The following NEK6 variants were observed in gnomAD, a reference collection of about 807,000 sequenced individuals.
NEK6 encodes NIMA related kinase 6.
NEK6 carries 27 observed loss-of-function variants against 43.5 expected under a neutral mutation model. That is an observed-to-expected ratio of 0.62 (90% CI 0.46 to 0.86). The LOEUF (loss-of-function observed/expected upper bound fraction) is 0.86. Ranked by LOEUF, NEK6 falls within the 40% of genes least tolerant of loss-of-function variation. The pLI is 0.00. For missense variants in NEK6, 318 were observed against 414.4 expected, an observed-to-expected ratio of 0.77 and a Z score of 2.02; for synonymous variants, 167 against 164.1, an observed-to-expected ratio of 1.02 and a Z score of -0.14.
At chr9:124,291,393 G>A (rs1326110556) in intron 1 of NEK6, among the ~76,000 whole-genome samples, 11 of 152,224 alleles carry the variant, frequency 7.2e-5, no homozygotes, top group East Asian at 3.8e-4. Context: ...TTGGGAGGCC[G>A]AGGTCAGCAG....
chr9:124,281,338 C>T (rs989365873), intron 1 of NEK6, among the ~76,000 whole-genome samples: 1 of 152,158 alleles, frequency 6.6e-6, no homozygotes, highest in Non-Finnish European at 1.5e-5. Context: ...TTGAAAAAGT[C>T]ACCTAGCACA....
chr9:124,267,001 A>G (rs1337696915), intron 1 of NEK6, among the ~76,000 whole-genome samples: 1 of 152,176 alleles, frequency 6.6e-6, no homozygotes, highest in Non-Finnish European at 1.5e-5. Flanking sequence ...GGCAGCTCCC[A>G]CATGTCTGCA....
At chr9:124,320,609 T>C (rs1298193145) in intron 4 of NEK6, among the ~76,000 whole-genome samples, 1 of 152,222 alleles carries the variant, frequency 6.6e-6, no homozygotes, top group Non-Finnish European at 1.5e-5. Flanking sequence ...ACAGTCAGCT[T>C]TGTTATGAAC....
chr9:124,260,853 A>G (rs951565736), intron 1 of NEK6, among the ~76,000 whole-genome samples: 3 of 152,198 alleles, frequency 2.0e-5, no homozygotes, highest in Non-Finnish European at 2.9e-5. Flanking sequence ...GCCAAAGACC[A>G]TGTGCTAATA....
At chr9:124,341,442 C>A (rs1448240730) in intron 8 of NEK6, among the ~76,000 whole-genome samples, 2 of 5,340 alleles carry the variant, frequency 3.7e-4, no homozygotes, top group Non-Finnish European at 5.4e-3. Flanking sequence ...GAGGGTGGGA[C>A]CCCTTCTCCC....
intron 1 of NEK6, chr9:124,292,232 G>A (rs540648629): frequency 1.1e-5 from 14 of 1,248,886 alleles, no homozygotes; most frequent in African/African-American, 4.6e-5. Flanking sequence ...GCCACCCACC[G>A]CTGGCTCAGC....
At chr9:124,350,760 A>G in intron 9 of NEK6, 77 bp from the exon 10 acceptor site, 1 of 1,005,368 alleles carries the variant, frequency 9.9e-7, no homozygotes, top group Non-Finnish European at 1.5e-6. Context: ...AAGTGCCTTC[A>G]TGCAGACAGA....
intron 1 of NEK6, among the ~76,000 whole-genome samples, chr9:124,271,091 G>A (rs1255143685): frequency 1.3e-5 from 2 of 152,258 alleles, no homozygotes; most frequent in Non-Finnish European, 2.9e-5. Context: ...CAGCAGGTTA[G>A]TCGGCCAGCC....
intron 1 of NEK6, chr9:124,293,132 G>A: frequency 8.1e-7 from 1 of 1,234,518 alleles, no homozygotes; most frequent in Non-Finnish European, 1.0e-6. Context: ...GGTCACCAAG[G>A]ATCACCTCAG....
intron 1 of NEK6, among the ~76,000 whole-genome samples, chr9:124,264,978 G>C (rs1242034317): frequency 6.6e-6 from 1 of 152,152 alleles, no homozygotes; most frequent in Non-Finnish European, 1.5e-5. Context: ...TTTTGCATAG[G>C]AGTCATTTTA....
chr9:124,352,414 GTTAC>G lies in NEK6; in HGVS notation c.*1471_*1474del, dbSNP rs1446822775. On this transcript the variant is annotated 3_prime_UTR_variant, in exon 10 of 10. Coordinates refer to ENST00000320246, the MANE Select transcript of NEK6 (RefSeq NM_014397.6). ...TTGAAATAAAACAGGGTGACTGGGA[GTTAC>G]TTAGAATTCATGAAGATTTTAAAAT... 1.3e-5 allele frequency: 2 copies of G among 152,224 alleles called. No homozygotes were observed. The highest frequency in any genetic ancestry group is 2.9e-5 in the Non-Finnish European group (2 of 68,042). 9.4% of individuals were successfully genotyped at this position (152,224 alleles called of 1,614,324 possible).
intron 1 of NEK6, chr9:124,292,986 G>A (rs2119065643): frequency 6.3e-7 from 1 of 1,575,890 alleles, no homozygotes; most frequent in Non-Finnish European, 8.6e-7. Context: ...TTTCCGGCAG[G>A]AGGAGCAGAG....
intron 1 of NEK6, among the ~76,000 whole-genome samples, chr9:124,265,298 C>T (rs528699764): frequency 1.6e-3 from 249 of 152,228 alleles, no homozygotes; most frequent in African/African-American, 5.7e-3. Context: ...CCGAGGCAGG[C>T]GGATCACGAG....
chr9:124,347,690 T>A lies in NEK6; in HGVS notation c.718-19T>A. The stretch of plus-strand genomic sequence containing the variant: ...CCTTGAGGCCGAAAGCTTATCTTCG[T>A]TGTTCCCGTCCCTTGCAGATGGCAG... On this transcript the variant is annotated intron_variant, in intron 8 of 9. Transcript: ENST00000320246. 6.7e-7 allele frequency: 1 copy of A among 1,502,842 alleles called. No individual in the cohort carries two copies. The highest frequency in any genetic ancestry group is 1.2e-5 in the South Asian group (1 of 83,422). The allele number at this position is 1,502,842 out of a possible 1,614,324, so 93.1% of individuals were successfully genotyped here.
rs773711240 is a variant in NEK6, at chr9:124,343,249, C to T, written c.717+3584C>T. Among the ~76,000 whole-genome samples, 1 of 127,852 alleles carries T rather than the reference C, an allele frequency of 7.8e-6. No individual in the cohort carries two copies. Among genetic ancestry groups the T allele is most frequent in the Non-Finnish European group, 1.6e-5 (1 of 61,860 alleles). The allele number at this position is 127,852 out of a possible 152,430, so 83.9% of individuals were successfully genotyped here. On this transcript the variant is annotated intron_variant, in intron 8 of 9. Transcript: ENST00000320246. The surrounding 1 kb of genome is among the most constrained non-coding windows in gnomAD (Gnocchi z 5.1). ...GCCGGGGGGCGGTGAGGGGACGGAT[C>T]GCAGCCGGGGGGTGGTACGGGGGAT...
chr9:124,344,629 G>A (rs986283667), intron 8 of NEK6, among the ~76,000 whole-genome samples: 6 of 152,246 alleles, frequency 3.9e-5, no homozygotes, highest in African/African-American at 1.2e-4. Context: ...TTACCTAGAT[G>A]CCCATGGAGG....
chr9:124,344,470 G>A (rs1370301623), intron 8 of NEK6, among the ~76,000 whole-genome samples: 5 of 152,342 alleles, frequency 3.3e-5, no homozygotes, highest in East Asian at 3.9e-4. Context: ...GGGCCCCAGC[G>A]GAGTGTCTTG....
At chr9:124,309,878 T>C (rs775752724) in intron 2 of NEK6, among the ~76,000 whole-genome samples, 1 of 152,192 alleles carries the variant, frequency 6.6e-6, no homozygotes, top group African/African-American at 2.4e-5. Flanking sequence ...TCCACAAACA[T>C]GCTCCAAGCA....
Position 124,343,360 on chromosome 9 carries a change from AG to A in NEK6, c.717+3697del, listed in dbSNP as rs1829752930. Among the ~76,000 whole-genome samples the A allele has an allele frequency of 6.6e-6, 1 of 152,074 alleles. No homozygotes were observed. The highest frequency in any genetic ancestry group is 2.1e-4 in the South Asian group (1 of 4,830). On this transcript the variant is annotated intron_variant, in intron 8 of 9. Coordinates refer to ENST00000320246, the MANE Select transcript of NEK6 (RefSeq NM_014397.6). The surrounding 1 kb of genome is among the most constrained non-coding windows in gnomAD (Gnocchi z 5.1). The stretch of plus-strand genomic sequence containing the variant: ...CCAGGGGTGGATACCAGTCAGCAGT[AG>A]GAAGTGAATGAAACACAGCAGTCAA...
Sources: gnomAD v4.1 joint callset for allele counts (sites outside exome capture counted in the v4.1 genomes callset) on GRCh38, gnomAD v4.1.1 for gene constraint, Gnocchi (gnomAD v3.1) non-coding constraint, MANE v1.5 for transcripts, NCBI Gene and HGNC (gene_info 2026-07-23, HGNC 2026-07-21) for gene names.